The following LAMA2 variants were observed in gnomAD, a reference collection of about 807,000 sequenced individuals.
LAMA2 encodes the protein laminin subunit alpha 2, also known as laminin subunit alpha-2.
A neutral mutation model predicts 364.8 loss-of-function variants in LAMA2; 269 were observed. That is an observed-to-expected ratio of 0.74 (90% CI 0.67 to 0.82). The LOEUF is 0.82. LAMA2 is among the 40% of genes least tolerant of loss of function. The pLI is 0.00. For synonymous variants in LAMA2, 1,379 were observed against 1,370.6 expected, an observed-to-expected ratio of 1.01 and a Z score of -0.14; for missense variants, 3,807 against 3,873.2, an observed-to-expected ratio of 0.98 and a Z score of 0.45.
intron 35 of LAMA2, among the ~76,000 whole-genome samples, chr6:129,389,248 A>G (rs2114667612): frequency 6.6e-6 from 1 of 152,322 alleles, no homozygotes; most frequent in East Asian, 1.9e-4. Flanking sequence ...TGTGATTCAA[A>G]TATTTCTGCT....
At chr6:129,267,022 G>C (rs951957352) in intron 15 of LAMA2, 84 bp from the exon 16 acceptor site, 31 of 870,748 alleles carry the variant, frequency 3.6e-5, no homozygotes, top group Non-Finnish European at 5.6e-5. Context: ...GTTATTTTCT[G>C]TTATCAGAAA....
intron 28 of LAMA2, among the ~76,000 whole-genome samples, chr6:129,325,546 A>ATTTT (rs1448566776): frequency 3.3e-5 from 5 of 151,842 alleles, no homozygotes; most frequent in African/African-American, 1.2e-4. Context: ...TTTTTTTTTA[A>ATTTT]AAAAAACAGC....
At position 129,300,854 on chromosome 6, in the gene LAMA2, C is replaced by T; in HGVS notation, c.3156C>T (p.Ser1052=). The change falls in exon 22 of 65, where the codon AGC becomes AGT. Residue 1052 remains serine (S), a synonymous_variant. Transcript: ENST00000421865. ...GTGCACCCAATACCTGGGGCCACAGCATTACCACTGGTTGTAAGGTGAGTG... is the reference window on the plus strand; with the variant it reads ...GTGCACCCAATACCTGGGGCCACAGTATTACCACTGGTTGTAAGGTGAGTG... ...SKCAPNTWGH[S]ITTGCKACNC... The T allele has an allele frequency of 6.2e-7, 1 of 1,613,776 alleles. No individual in the cohort carries two copies.
intron 1 of LAMA2, among the ~76,000 whole-genome samples, chr6:128,907,571 C>T (rs1422401427): frequency 4.6e-5 from 7 of 152,034 alleles, no homozygotes; most frequent in Non-Finnish European, 8.8e-5. Context: ...ACAATCATGT[C>T]GTCTGCAAAG....
intron 20 of LAMA2, among the ~76,000 whole-genome samples, chr6:129,293,217 G>A (rs1481612211): frequency 6.6e-6 from 1 of 152,178 alleles, no homozygotes; most frequent in East Asian, 1.9e-4. Context: ...TTGAACCCTT[G>A]CCCTTTTAAA....
chr6:129,456,547 C>A, intron 48 of LAMA2, 53 bp downstream of exon 48: 6 of 1,450,032 alleles, frequency 4.1e-6, no homozygotes, highest in Non-Finnish European at 5.8e-6. Flanking sequence ...CATCTCCTGA[C>A]ATAATTACTT....
chr6:129,397,940 A>G (rs1188357566), intron 37 of LAMA2, among the ~76,000 whole-genome samples: 6 of 28,372 alleles, frequency 2.1e-4, no homozygotes, highest in Non-Finnish European at 5.4e-4. Context: ...CCGTCTCAGA[A>G]AAAAAAAAAA....
intron 58 of LAMA2, among the ~76,000 whole-genome samples, chr6:129,497,510 C>T (rs1785281881): frequency 6.6e-6 from 1 of 152,202 alleles, no homozygotes; most frequent in Non-Finnish European, 1.5e-5. Context: ...GTTGAGATTA[C>T]AGGCATAAGC....
intron 12 of LAMA2, among the ~76,000 whole-genome samples, chr6:129,218,600 G>T (rs1336667111): frequency 6.6e-6 from 1 of 151,956 alleles, no homozygotes; most frequent in African/African-American, 2.4e-5. Flanking sequence ...ATACAATTCT[G>T]TACTTTCTGA....
intron 32 of LAMA2, among the ~76,000 whole-genome samples, chr6:129,365,379 G>C (rs913965397): frequency 6.6e-6 from 1 of 151,934 alleles, no homozygotes; most frequent in Non-Finnish European, 1.5e-5. Flanking sequence ...TTTATTTTTT[G>C]GGGGGTGGAG....
intron 1 of LAMA2, among the ~76,000 whole-genome samples, chr6:128,953,732 A>G (rs1032598796): frequency 2.6e-5 from 4 of 151,926 alleles, no homozygotes; most frequent in African/African-American, 9.7e-5. Flanking sequence ...TGTGTTGACT[A>G]GTTTCTTTAT....
chr6:129,439,377 G>T (rs1258785902), intron 42 of LAMA2, among the ~76,000 whole-genome samples: 1 of 151,906 alleles, frequency 6.6e-6, no homozygotes, highest in Non-Finnish European at 1.5e-5. Flanking sequence ...CAACTGTATT[G>T]TCTTCTGTGT....
intron 27 of LAMA2, among the ~76,000 whole-genome samples, chr6:129,317,288 T>C (rs933937995): frequency 2.6e-5 from 4 of 152,178 alleles, no homozygotes; most frequent in African/African-American, 7.2e-5. Context: ...TCGATATATG[T>C]TTGTAAATAG....
chr6:129,270,813 T>C (rs1200471617), intron 17 of LAMA2, 62 bp downstream of exon 17: 4 of 1,504,390 alleles, frequency 2.7e-6, no homozygotes, highest in Non-Finnish European at 2.8e-6. Flanking sequence ...ACACTTTTCA[T>C]AGCAAATATA....
intron 1 of LAMA2, among the ~76,000 whole-genome samples, chr6:128,959,333 T>G (rs1340296939): frequency 3.9e-5 from 6 of 152,076 alleles, no homozygotes; most frequent in African/African-American, 1.4e-4. Flanking sequence ...TTAGAAAGAG[T>G]GAAGAAAAGG....
chr6:129,377,091 A>T lies in LAMA2; in HGVS notation c.4960-6031A>T, dbSNP rs190090967. Among the ~76,000 whole-genome samples the T allele has an allele frequency of 2.8e-3, 428 of 152,270 alleles. 4 individuals are homozygous for T. The highest frequency in any genetic ancestry group is 9.8e-3 in the African/African-American group (408 of 41,558). On this transcript the variant is annotated intron_variant, in intron 34 of 64. Coordinates refer to ENST00000421865, the MANE Select transcript of LAMA2 (RefSeq NM_000426.4). The stretch of plus-strand genomic sequence containing the variant: ...TAAAATCAGGCATATATTTATAATT[A>T]TATTGTTGAATATTTTGTTTTCATT...
intron 3 of LAMA2, among the ~76,000 whole-genome samples, chr6:129,088,580 C>T (rs1454266345): frequency 1.3e-5 from 2 of 151,384 alleles, no homozygotes; most frequent in Non-Finnish European, 3.0e-5. Context: ...GCTGCCCCCA[C>T]CTCCCTCCCG....
Position 129,445,686 on chromosome 6 carries a change from T to G in LAMA2, c.6294T>G (p.Thr2098=). Residue 2098 remains threonine, a synonymous_variant, in exon 45 of 65, where the codon ACT becomes ACG. Coordinates refer to ENST00000421865, the MANE Select transcript of LAMA2 (RefSeq NM_000426.4). The stretch of plus-strand genomic sequence containing the variant: ...ATGCAGTTGCCGATGCAGATGCCAC[T>G]GTCAAAAATTTAGAACAGGAAGCTG... ...KNKIIADADA[T]VKNLEQEADR... is the part of the protein sequence containing the mutation. The G allele has an allele frequency of 6.2e-7, 1 of 1,614,004 alleles. No homozygotes were observed. Among genetic ancestry groups the G allele is most frequent in the South Asian group, 1.1e-5 (1 of 91,086 alleles).
chr6:129,098,398 C>A lies in LAMA2; in HGVS notation c.622C>A (p.Pro208Thr), dbSNP rs1379732289. The change falls in exon 4 of 65, where the codon CCC becomes ACC. Residue 208 changes from proline (P) to threonine (T), a missense_variant. Transcript: ENST00000421865. ...ICTSFYSKIH[P>T]LENGEIHISL... ...CACTTCATTTTACTCCAAGATACAC[C>A]CCTTAGAAAATGGAGAGGTAAGATG... 3 of 1,613,790 alleles carry A rather than the reference C, an allele frequency of 1.9e-6. No individual in the cohort carries two copies. Among genetic ancestry groups the A allele is most frequent in the Non-Finnish European group, 2.5e-6 (3 of 1,179,936 alleles).
Sources: gnomAD v4.1 joint callset for allele counts (sites outside exome capture counted in the v4.1 genomes callset) on GRCh38, gnomAD v4.1.1 for gene constraint, MANE v1.5 for transcripts, NCBI Gene and HGNC (gene_info 2026-07-23, HGNC 2026-07-21) for gene names.